GPC5: variants seen among roughly 807,000 people sequenced by gnomAD.
GPC5 encodes the protein glypican-5.
GPC5 carries 47 observed loss-of-function variants against 53.9 expected under a neutral mutation model. The observed-to-expected ratio is 0.87, with a 90% CI of 0.69 to 1.11. The LOEUF (loss-of-function observed/expected upper bound fraction) is 1.11. GPC5 is among the 50% of genes most tolerant of loss of function. The pLI, the probability that GPC5 is intolerant of heterozygous loss-of-function variation, is 0.00. For missense variants in GPC5, 748 were observed against 713.1 expected, an observed-to-expected ratio of 1.05 and a Z score of -0.56; for synonymous variants, 286 against 263.3, an observed-to-expected ratio of 1.09 and a Z score of -0.84.
intron 7 of GPC5, among the ~76,000 whole-genome samples, chr13:92,458,551 G>A (rs775384263): frequency 1.3e-5 from 2 of 152,024 alleles, no homozygotes; most frequent in African/African-American, 2.4e-5. Context: ...GCCTGCTTTG[G>A]CCCCCCAAAG....
chr13:92,825,746 T>C (rs958908119), intron 7 of GPC5, among the ~76,000 whole-genome samples: 4 of 152,156 alleles, frequency 2.6e-5, no homozygotes, highest in African/African-American at 9.7e-5. Context: ...ATTCTTTCAT[T>C]GTTCTTTATA....
intron 7 of GPC5, among the ~76,000 whole-genome samples, chr13:92,216,978 CA>C (rs61411051): frequency 0.38 from 35,807 of 93,632 alleles, 4,555 homozygotes; most frequent in Admixed American, 0.42. Context: ...GATCTTGTCT[CA>C]AAAAAAAAAA....
chr13:91,832,649 A>G (rs1165606759), intron 5 of GPC5, among the ~76,000 whole-genome samples: 1 of 152,066 alleles, frequency 6.6e-6, no homozygotes, highest in Non-Finnish European at 1.5e-5. Flanking sequence ...ACTACTGGGT[A>G]AATAATGAAA....
intron 2 of GPC5, among the ~76,000 whole-genome samples, chr13:91,594,543 T>A (rs2032920961): frequency 6.6e-6 from 1 of 152,236 alleles, no homozygotes. Context: ...ACTTAGTAAT[T>A]TAGTTTTAGA....
chr13:91,952,189 C>CTGTG (rs1555299530), intron 6 of GPC5, among the ~76,000 whole-genome samples: 1 of 119,316 alleles, frequency 8.4e-6, no homozygotes, highest in Non-Finnish European at 2.0e-5. Flanking sequence ...CTCTCTCTCT[C>CTGTG]TGTGTGTGTG....
chr13:91,440,537 T>C (rs1006525304), intron 1 of GPC5, among the ~76,000 whole-genome samples: 2 of 152,230 alleles, frequency 1.3e-5, no homozygotes, highest in African/African-American at 4.8e-5. Flanking sequence ...ATAGTTGTAA[T>C]AGCTACTTTG....
chr13:91,400,957 ATCTT>A (rs1223529508), intron 1 of GPC5, among the ~76,000 whole-genome samples: 12 of 152,192 alleles, frequency 7.9e-5, no homozygotes, highest in African/African-American at 2.9e-4. Context: ...ACGACAAGGA[ATCTT>A]TCTTTTCTAA....
At chr13:92,231,908 G>A (rs541971516) in intron 7 of GPC5, among the ~76,000 whole-genome samples, 1 of 152,332 alleles carries the variant, frequency 6.6e-6, no homozygotes, top group South Asian at 2.1e-4. Context: ...GGAGGTTGCA[G>A]TGAGCCGAGA....
chr13:91,461,553 T>G (rs1881929372), intron 2 of GPC5, among the ~76,000 whole-genome samples: 1 of 152,176 alleles, frequency 6.6e-6, no homozygotes, highest in Non-Finnish European at 1.5e-5. Flanking sequence ...TAGTACCTTC[T>G]TCTAGGCTAC....
chr13:91,490,126 C>T (rs1366630449), intron 2 of GPC5, among the ~76,000 whole-genome samples: 1 of 151,896 alleles, frequency 6.6e-6, no homozygotes, highest in Non-Finnish European at 1.5e-5. Flanking sequence ...TAAATCAGAA[C>T]ATTTATTTTC....
At chr13:91,608,361 A>G (rs1029774876) in intron 2 of GPC5, among the ~76,000 whole-genome samples, 95 of 152,218 alleles carry the variant, frequency 6.2e-4, no homozygotes, top group African/African-American at 2.2e-3. Context: ...GTGAACAAGA[A>G]CAAAATTTGT....
intron 7 of GPC5, among the ~76,000 whole-genome samples, chr13:92,487,024 T>A (rs1447093094): frequency 6.6e-6 from 1 of 152,056 alleles, no homozygotes; most frequent in Non-Finnish European, 1.5e-5. Context: ...CCTGGCTAAT[T>A]TTTGTATTTT....
intron 2 of GPC5, among the ~76,000 whole-genome samples, chr13:91,478,797 A>ATATATATGTG (rs1433359491): frequency 7.8e-5 from 6 of 77,120 alleles, no homozygotes; most frequent in African/African-American, 1.3e-4. Flanking sequence ...ATTTGAGTTT[A>ATATATATGTG]TATATATATA....
chr13:91,957,606 T>A (rs1287087467), intron 6 of GPC5, among the ~76,000 whole-genome samples: 1 of 152,196 alleles, frequency 6.6e-6, no homozygotes. Context: ...AGCAGATTTC[T>A]CAGCAGAAAC....
chr13:91,752,599 A>G (rs1453431166), intron 4 of GPC5, among the ~76,000 whole-genome samples: 1 of 152,190 alleles, frequency 6.6e-6, no homozygotes, highest in Non-Finnish European at 1.5e-5. Flanking sequence ...TTTAGTTTTC[A>G]TAGTGCTTTA....
chr13:92,583,026 T>C (rs1280934529), intron 7 of GPC5, among the ~76,000 whole-genome samples: 2 of 152,176 alleles, frequency 1.3e-5, no homozygotes, highest in Non-Finnish European at 2.9e-5. Context: ...CAGTTCCATG[T>C]TGAATGAAAG....
chr13:92,724,243 T>C (rs2139290946), intron 7 of GPC5, among the ~76,000 whole-genome samples: 1 of 151,730 alleles, frequency 6.6e-6, no homozygotes, highest in East Asian at 1.9e-4. Context: ...TTTTTATTTT[T>C]AAGCAAGCTA....
At chr13:91,481,400 A>G (rs543387589) in intron 2 of GPC5, among the ~76,000 whole-genome samples, 1 of 152,306 alleles carries the variant, frequency 6.6e-6, no homozygotes, top group Non-Finnish European at 1.5e-5. Flanking sequence ...TGGTACATAG[A>G]AAATATTTTC....
At chr13:92,756,875 A>AGAATC (rs1174304949) in intron 7 of GPC5, among the ~76,000 whole-genome samples, 1 of 150,880 alleles carries the variant, frequency 6.6e-6, no homozygotes, top group Non-Finnish European at 1.5e-5. Context: ...ATGGGTAGGA[A>AGAATC]GAATCAATAT....
Sources: gnomAD v4.1 joint callset for allele counts (sites outside exome capture counted in the v4.1 genomes callset) on GRCh38, gnomAD v4.1.1 for gene constraint, MANE v1.5 for transcripts, NCBI Gene and HGNC (gene_info 2026-07-23, HGNC 2026-07-21) for gene names.